Variants in ESR1 observed in about 807,000 individuals in gnomAD.
ESR1 encodes estrogen receptor.
ESR1 carries 12 observed loss-of-function variants against 52.7 expected under a neutral mutation model. The observed-to-expected ratio is 0.23, with a 90% CI of 0.15 to 0.37. The LOEUF is 0.37. ESR1 is among the 10% of genes least tolerant of loss of function. The pLI is 1.00. For missense variants in ESR1, 584 were observed against 779.7 expected, an observed-to-expected ratio of 0.75 and a Z score of 2.99; for synonymous variants, 305 against 316.8, an observed-to-expected ratio of 0.96 and a Z score of 0.39.
At chr6:151,675,776 A>C (rs954778582) in intron 1 of ESR1, among the ~76,000 whole-genome samples, 3 of 152,196 alleles carry the variant, frequency 2.0e-5, no homozygotes, top group African/African-American at 4.8e-5. Context: ...ATTGTTTGAG[A>C]CCCGTAAGTC....
At chr6:151,830,579 C>T (rs533841822) in intron 1 of ESR1, among the ~76,000 whole-genome samples, 139 of 152,124 alleles carry the variant, frequency 9.1e-4, no homozygotes, top group Non-Finnish European at 1.3e-3. Flanking sequence ...GTTCCCAGAC[C>T]TCACCATTCA....
chr6:152,065,405 A>C (rs1297409629), intron 6 of ESR1, among the ~76,000 whole-genome samples: 5 of 152,186 alleles, frequency 3.3e-5, no homozygotes, highest in Non-Finnish European at 7.3e-5. Context: ...CCTCTATCAG[A>C]AAACCACCCT....
intron 2 of ESR1, among the ~76,000 whole-genome samples, chr6:151,793,573 G>T (rs2128134465): frequency 6.6e-6 from 1 of 152,260 alleles, no homozygotes; most frequent in South Asian, 2.1e-4. Context: ...CAATAGGTTT[G>T]CTTACACCAG....
intron 1 of ESR1, among the ~76,000 whole-genome samples, chr6:151,691,894 T>G (rs1778975938): frequency 6.6e-6 from 1 of 152,242 alleles, no homozygotes; most frequent in South Asian, 2.1e-4. Flanking sequence ...GACTGCCCAC[T>G]AGGCCTTGGA....
rs750779239 is a variant in ESR1, at chr6:151,666,819, G to A, written n.73+10056G>A. On this transcript the variant is annotated intron_variant and non_coding_transcript_variant, in intron 1 of 2. Transcript: ENST00000473497. ...TGAATGCACATGTTGGAGGACGAAG[G>A]TTCTGTTTTTACTCTCAGTGCACCA... is the stretch of plus-strand genomic sequence containing the variant. Among the ~76,000 whole-genome samples the A allele has an allele frequency of 2.0e-5, 3 of 151,078 alleles. No homozygotes were observed. The Admixed American group carries it at 2.0e-4, about 10-fold the overall frequency.
chr6:151,714,033 T>A (rs1401892440), intron 2 of ESR1, among the ~76,000 whole-genome samples: 2 of 152,248 alleles, frequency 1.3e-5, no homozygotes, highest in Non-Finnish European at 2.9e-5. Context: ...GATTCTGGTA[T>A]GTTCTGTCTT....
intron 6 of ESR1, among the ~76,000 whole-genome samples, chr6:152,065,375 T>C (rs1014400930): frequency 1.3e-5 from 2 of 152,154 alleles, no homozygotes; most frequent in African/African-American, 4.8e-5. Context: ...GGTTTTAGCC[T>C]CATAACCCCT....
At chr6:152,024,701 A>G (rs945644687) in intron 5 of ESR1, among the ~76,000 whole-genome samples, 3 of 147,780 alleles carry the variant, frequency 2.0e-5, no homozygotes, top group Non-Finnish European at 3.0e-5. Flanking sequence ...GTTATAATAC[A>G]TAAATATATT....
At chr6:151,863,275 G>A (rs1019517281) in intron 2 of ESR1, among the ~76,000 whole-genome samples, 4 of 152,164 alleles carry the variant, frequency 2.6e-5, no homozygotes, top group African/African-American at 7.2e-5. Flanking sequence ...CTATCCATGA[G>A]CGTGGAATGT....
chr6:151,892,101 C>T (rs912542656), intron 3 of ESR1, among the ~76,000 whole-genome samples: 7 of 152,200 alleles, frequency 4.6e-5, no homozygotes, highest in South Asian at 4.1e-4. Flanking sequence ...AAGGGCCAAG[C>T]GTGCAATTAA....
chr6:151,918,834 G>A (rs1043892165), intron 3 of ESR1, among the ~76,000 whole-genome samples: 4 of 152,184 alleles, frequency 2.6e-5, no homozygotes, highest in Non-Finnish European at 5.9e-5. Flanking sequence ...GAGGGATAAA[G>A]CTGTAAATCA....
chr6:151,686,183 A>G (rs543345446), upstream of ESR1, among the ~76,000 whole-genome samples: 1 of 148,262 alleles, frequency 6.7e-6, no homozygotes, highest in East Asian at 2.0e-4. Context: ...TCTGCTTGAC[A>G]TTGTCATTTG....
At chr6:151,908,342 C>T (rs1328972150) in intron 3 of ESR1, among the ~76,000 whole-genome samples, 1 of 152,032 alleles carries the variant, frequency 6.6e-6, no homozygotes, top group Non-Finnish European at 1.5e-5. Flanking sequence ...TGATAAATTT[C>T]ACAACAGTTA....
intron 5 of ESR1, among the ~76,000 whole-genome samples, chr6:152,050,879 T>G (rs968508285): frequency 4.6e-5 from 7 of 152,240 alleles, no homozygotes; most frequent in Non-Finnish European, 8.8e-5. Flanking sequence ...CTGTTTAATA[T>G]TGTCAATTGT....
chr6:151,966,525 A>G (rs2038290712), intron 4 of ESR1, among the ~76,000 whole-genome samples: 1 of 151,886 alleles, frequency 6.6e-6, no homozygotes, highest in African/African-American at 2.4e-5. Flanking sequence ...CATTCCCATT[A>G]TCTATCATGT....
At chr6:151,743,126 A>C (rs1783219473) in intron 2 of ESR1, among the ~76,000 whole-genome samples, 1 of 152,200 alleles carries the variant, frequency 6.6e-6, no homozygotes, top group Admixed American at 6.5e-5. Context: ...TCCCAAGAAC[A>C]GCCAGGACTG....
chr6:151,908,463 T>C (rs1237630074), intron 3 of ESR1, among the ~76,000 whole-genome samples: 3 of 152,168 alleles, frequency 2.0e-5, no homozygotes, highest in Non-Finnish European at 2.9e-5. Context: ...CAATAGCAGA[T>C]GACTTGTTTC....
chr6:151,903,517 G>A (rs1348331515), intron 3 of ESR1, among the ~76,000 whole-genome samples: 1 of 151,830 alleles, frequency 6.6e-6, no homozygotes, highest in Non-Finnish European at 1.5e-5. Context: ...TCTTGGGCAT[G>A]CCACAGAACC....
chr6:151,665,446 A>G (rs1206006306), intron 1 of ESR1, among the ~76,000 whole-genome samples: 1 of 152,146 alleles, frequency 6.6e-6, no homozygotes, highest in African/African-American at 2.4e-5. Context: ...GAGGATCGTG[A>G]TCTCTGAACT....
Sources: gnomAD v4.1 joint callset for allele counts (sites outside exome capture counted in the v4.1 genomes callset) on GRCh38, gnomAD v4.1.1 for gene constraint, MANE v1.5 for transcripts, NCBI Gene and HGNC (gene_info 2026-07-23, HGNC 2026-07-21) for gene names.